SLC2A13: variants seen among roughly 807,000 people sequenced by gnomAD.
SLC2A13 encodes solute carrier family 2 member 13, also known as proton myo-inositol cotransporter.
SLC2A13 carries 32 observed loss-of-function variants against 64.4 expected under a neutral mutation model. The ratio of observed to expected loss-of-function variants is 0.50; its 90% CI spans 0.37 to 0.67. The LOEUF (loss-of-function observed/expected upper bound fraction) is 0.67. Ranked by LOEUF, SLC2A13 falls within the 30% of genes least tolerant of loss-of-function variation. The probability of loss-of-function intolerance (pLI) is 0.00; values close to 1 mark genes in which losing one functional copy is unlikely to be tolerated. For missense variants in SLC2A13, 743 were observed against 829.2 expected, an observed-to-expected ratio of 0.90 and a Z score of 1.28; for synonymous variants, 338 against 327.1, an observed-to-expected ratio of 1.03 and a Z score of -0.36.
At position 39,794,137 on chromosome 12, in the gene SLC2A13, A is replaced by G. The variant is rs960541708; in HGVS notation, c.1446-29279T>C. ...GGGCCAAATTGCAAAAAAAAAAAAA[A>G]AAAAAAAAAAAACCAAAACAAAACC... is the stretch of plus-strand genomic sequence containing the variant. On this transcript the variant is annotated intron_variant, in intron 7 of 9. Transcript: ENST00000280871. 3.0e-4 allele frequency among the ~76,000 whole-genome samples: 46 copies of G among 151,314 alleles called. 2 individuals carry two copies. Among genetic ancestry groups the G allele is most frequent in the African/African-American group, 1.1e-3 (46 of 41,370 alleles).
intron 7 of SLC2A13, among the ~76,000 whole-genome samples, chr12:39,812,164 C>T (rs1942181772): frequency 6.6e-6 from 1 of 151,958 alleles, no homozygotes; most frequent in African/African-American, 2.4e-5. Flanking sequence ...GGGTCTGCTC[C>T]CTGGTTCATA....
intron 7 of SLC2A13, among the ~76,000 whole-genome samples, chr12:39,767,629 C>T (rs990665281): frequency 6.6e-6 from 1 of 152,044 alleles, no homozygotes; most frequent in African/African-American, 2.4e-5. Context: ...ATTGAAAAAT[C>T]TGTTGTTTAG....
intron 3 of SLC2A13, among the ~76,000 whole-genome samples, chr12:39,951,981 G>A (rs926074116): frequency 1.7e-4 from 26 of 150,274 alleles, no homozygotes; most frequent in African/African-American, 4.9e-4. Flanking sequence ...GTGTGTGTAC[G>A]TGTGTGTGTG....
At chr12:40,083,781 T>C (rs939021078) in intron 1 of SLC2A13, among the ~76,000 whole-genome samples, 1 of 152,188 alleles carries the variant, frequency 6.6e-6, no homozygotes, top group Admixed American at 6.5e-5. Flanking sequence ...AAAGAAAAGA[T>C]GATACAAACA....
chr12:39,811,226 T>G (rs1021365054), intron 7 of SLC2A13, among the ~76,000 whole-genome samples: 1 of 152,082 alleles, frequency 6.6e-6, no homozygotes, highest in African/African-American at 2.4e-5. Context: ...CAGCTATGAC[T>G]TAATCTGCTT....
At chr12:40,060,421 T>A (rs1292445482) in intron 1 of SLC2A13, among the ~76,000 whole-genome samples, 2 of 152,186 alleles carry the variant, frequency 1.3e-5, no homozygotes, top group East Asian at 3.9e-4. Context: ...CTTAAGCTTG[T>A]GTGTTTATCT....
At chr12:40,087,158 A>G (rs1426553386) in intron 1 of SLC2A13, among the ~76,000 whole-genome samples, 1 of 152,246 alleles carries the variant, frequency 6.6e-6, no homozygotes, top group Non-Finnish European at 1.5e-5. Flanking sequence ...CCATTCAGAA[A>G]GGATCCTTCA....
At chr12:39,886,538 C>T (rs570061973) in intron 4 of SLC2A13, among the ~76,000 whole-genome samples, 4 of 151,768 alleles carry the variant, frequency 2.6e-5, no homozygotes, top group Admixed American at 6.6e-5. Context: ...CAGATCCCAC[C>T]GAGAAGTATT....
chr12:39,986,123 C>T (rs1405027589), intron 3 of SLC2A13, among the ~76,000 whole-genome samples: 1 of 151,972 alleles, frequency 6.6e-6, no homozygotes, highest in African/African-American at 2.4e-5. Context: ...GAGGGTTCCA[C>T]CATGACCTAA....
intron 7 of SLC2A13, among the ~76,000 whole-genome samples, chr12:39,821,541 G>A (rs567269339): frequency 3.9e-5 from 6 of 152,274 alleles, no homozygotes; most frequent in African/African-American, 1.2e-4. Context: ...CAAAACCCAA[G>A]CTTAATGCGT....
intron 7 of SLC2A13, among the ~76,000 whole-genome samples, chr12:39,824,349 C>CTCT (rs1942607978): frequency 6.6e-6 from 1 of 152,156 alleles, no homozygotes; most frequent in Non-Finnish European, 1.5e-5. Flanking sequence ...TCTAGCAGCG[C>CTCT]TCTTACAAGT....
chr12:39,929,362 C>A (rs560533988), intron 4 of SLC2A13, among the ~76,000 whole-genome samples: 2 of 151,808 alleles, frequency 1.3e-5, no homozygotes, highest in Non-Finnish European at 2.9e-5. Context: ...ACTAGCCTGG[C>A]CAAGATGGTG....
At chr12:39,983,366 G>T (rs1469268391) in intron 3 of SLC2A13, among the ~76,000 whole-genome samples, 2 of 117,030 alleles carry the variant, frequency 1.7e-5, no homozygotes, top group South Asian at 3.1e-4. Flanking sequence ...CACAGCAAAA[G>T]AAACTACCAT....
At chr12:40,052,092 G>T (rs17518134) in intron 1 of SLC2A13, among the ~76,000 whole-genome samples, 2 of 152,228 alleles carry the variant, frequency 1.3e-5, no homozygotes, top group African/African-American at 2.4e-5. Flanking sequence ...TCAGGAAAAA[G>T]CAACTAGGAG....
chr12:40,009,344 AGAAT>A (rs1366762854), intron 3 of SLC2A13, among the ~76,000 whole-genome samples: 2 of 152,250 alleles, frequency 1.3e-5, no homozygotes, highest in Non-Finnish European at 2.9e-5. Context: ...CTAGCCAAAT[AGAAT>A]GTTTATGGCT....
At chr12:39,844,995 T>A (rs903858706) in intron 6 of SLC2A13, among the ~76,000 whole-genome samples, 8 of 151,862 alleles carry the variant, frequency 5.3e-5, no homozygotes, top group Non-Finnish European at 1.2e-4. Flanking sequence ...AAAAGAAAAA[T>A]TAAAGTGACC....
chr12:40,040,061 C>T (rs973630664), intron 2 of SLC2A13, among the ~76,000 whole-genome samples: 1 of 152,090 alleles, frequency 6.6e-6, no homozygotes, highest in African/African-American at 2.4e-5. Flanking sequence ...TTTACATTTT[C>T]CTGGAAAAAA....
chr12:39,937,063 G>T (rs1316803372), intron 4 of SLC2A13, among the ~76,000 whole-genome samples: 1 of 152,158 alleles, frequency 6.6e-6, no homozygotes, highest in Non-Finnish European at 1.5e-5. Context: ...GATTTAAGTT[G>T]AAATGCTGTG....
At chr12:40,099,928 C>A (rs1024216201) in intron 1 of SLC2A13, among the ~76,000 whole-genome samples, 1 of 152,034 alleles carries the variant, frequency 6.6e-6, no homozygotes, top group African/African-American at 2.4e-5. Context: ...GCACCTCCCC[C>A]CAAAACTGTA....
Sources: allele counts gnomAD v4.1 joint callset (sites outside exome capture counted in the v4.1 genomes callset), GRCh38; gene constraint gnomAD v4.1.1; transcripts MANE v1.5; gene names NCBI Gene and HGNC (gene_info 2026-07-23, HGNC 2026-07-21).